Variants in PCLO observed in about 807,000 individuals in gnomAD.
PCLO encodes protein piccolo.
Under a neutral mutation model 427.5 loss-of-function variants are expected in PCLO, and 82 were observed. The observed-to-expected ratio is 0.19, with a 90% CI of 0.16 to 0.23. The LOEUF (loss-of-function observed/expected upper bound fraction) is 0.23. PCLO is among the 10% of genes least tolerant of loss of function. The probability of loss-of-function intolerance (pLI) is 1.00; values close to 1 mark genes in which losing one functional copy is unlikely to be tolerated. For missense variants in PCLO, 6,239 were observed against 6,115.9 expected (o/e 1.02, Z -0.67); for synonymous variants, 2,357 against 2,155.4 (o/e 1.09, Z -2.59).
At chr7:82,863,050 C>T (rs1188742172) in intron 10 of PCLO, among the ~76,000 whole-genome samples, 1 of 151,858 alleles carries the variant, frequency 6.6e-6, no homozygotes, top group Non-Finnish European at 1.5e-5. Flanking sequence ...GGCATGGATA[C>T]CCTATTCTCC....
Position 82,949,641 on chromosome 7 carries a change from A to G in PCLO, c.10947T>C (p.Asp3649=). The part of the protein sequence containing the change: ...AFVPYEKPLP[D]DISPQKVLHP... ...GCAGTACTTTCTGTGGACTTATATC[A>G]TCAGGGAGGGGTTTTTCATAAGGTA... Residue 3649 remains aspartate, a synonymous_variant, in exon 6 of 25, where the codon GAT becomes GAC. Coordinates refer to ENST00000333891, the MANE Select transcript of PCLO (RefSeq NM_033026.6). 2 of 1,613,830 alleles carry G rather than the reference A, an allele frequency of 1.2e-6. No individual in the cohort carries two copies. The highest frequency in any genetic ancestry group is 1.3e-5 in the African/African-American group (1 of 74,988).
intron 3 of PCLO, among the ~76,000 whole-genome samples, chr7:83,014,839 C>T (rs1788167975): frequency 6.6e-6 from 1 of 152,048 alleles, no homozygotes; most frequent in Admixed American, 6.6e-5. Flanking sequence ...CAGAGCTTCC[C>T]AAGAACAAGG....
chr7:82,770,549 T>TA lies in PCLO; in HGVS notation c.15008-9057dup, dbSNP rs148953822. Among the ~76,000 whole-genome samples, 1,425 of 147,322 alleles carry TA rather than the reference T, an allele frequency of 9.7e-3. 25 individuals carry two copies. Among genetic ancestry groups the TA allele is most frequent in the African/African-American group, 0.032 (1,309 of 40,392 alleles). On this transcript the variant is annotated intron_variant, in intron 22 of 24. Transcript: ENST00000333891. Reference sequence around the variant, plus strand: ...TTCAGTAGATTTTAATAGAAATTTCTAAAAAAAAAAGGACATTTTTCACTT... The same window carrying TA: ...TTCAGTAGATTTTAATAGAAATTTCTAAAAAAAAAAAGGACATTTTTCACTT...
chr7:83,084,207 T>C (rs35231879), intron 3 of PCLO, among the ~76,000 whole-genome samples: 14,221 of 152,142 alleles, frequency 0.093, 897 homozygotes, highest in Non-Finnish European at 0.13. Context: ...TAAGCTCTGC[T>C]TCATATATAT....
chr7:82,807,281 G>C (rs1346620391), intron 20 of PCLO, among the ~76,000 whole-genome samples: 1 of 152,082 alleles, frequency 6.6e-6, no homozygotes, highest in Non-Finnish European at 1.5e-5. Flanking sequence ...TCTAAATCTA[G>C]ATGTGTTCAA....
chr7:82,803,085 C>A (rs1330830722), intron 21 of PCLO, among the ~76,000 whole-genome samples: 1 of 151,736 alleles, frequency 6.6e-6, no homozygotes, highest in East Asian at 1.9e-4. Flanking sequence ...ATTTAAGTAA[C>A]ACACAAAATT....
At chr7:82,841,146 T>C (rs1321138737) in intron 14 of PCLO, among the ~76,000 whole-genome samples, 1 of 151,930 alleles carries the variant, frequency 6.6e-6, no homozygotes, top group East Asian at 1.9e-4. Flanking sequence ...AAGAGGAAAC[T>C]TCAAATTTCC....
chr7:82,874,420 G>A (rs1793319386), intron 10 of PCLO, among the ~76,000 whole-genome samples: 1 of 152,090 alleles, frequency 6.6e-6, no homozygotes, highest in Admixed American at 6.6e-5. Flanking sequence ...ACTGTGACGG[G>A]CCTGAATCTG....
chr7:83,069,852 T>C (rs1285774201), intron 3 of PCLO, among the ~76,000 whole-genome samples: 1 of 114,522 alleles, frequency 8.7e-6, no homozygotes, highest in East Asian at 3.0e-4. Context: ...AAAACAATAA[T>C]GGAAGTGAAA....
intron 3 of PCLO, among the ~76,000 whole-genome samples, chr7:83,023,423 T>A (rs919252555): frequency 1.3e-5 from 2 of 152,218 alleles, no homozygotes; most frequent in Non-Finnish European, 2.9e-5. Flanking sequence ...TCTAACAGCT[T>A]GCCCAGTTTA....
At chr7:82,787,434 A>G (rs1473601902) in intron 22 of PCLO, among the ~76,000 whole-genome samples, 1 of 152,142 alleles carries the variant, frequency 6.6e-6, no homozygotes, top group African/African-American at 2.4e-5. Flanking sequence ...AAATAACTCA[A>G]TAATTTCATC....
intron 3 of PCLO, among the ~76,000 whole-genome samples, chr7:83,070,969 A>G (rs1002017551): frequency 2.6e-5 from 4 of 152,036 alleles, no homozygotes; most frequent in African/African-American, 7.2e-5. Context: ...TGTAAGTATC[A>G]TTATTGCTGA....
intron 3 of PCLO, among the ~76,000 whole-genome samples, chr7:83,053,617 T>C (rs1033756508): frequency 1.3e-5 from 2 of 151,822 alleles, no homozygotes; most frequent in Middle Eastern, 3.2e-3. Context: ...AGTAAAACAT[T>C]TAGTTAGATC....
At chr7:83,064,084 G>T (rs1049359856) in intron 3 of PCLO, among the ~76,000 whole-genome samples, 1 of 151,982 alleles carries the variant, frequency 6.6e-6, no homozygotes, top group African/African-American at 2.4e-5. Context: ...ATATAAAAGT[G>T]AATAAATGTG....
intron 17 of PCLO, among the ~76,000 whole-genome samples, chr7:82,827,500 A>AT (rs958022717): frequency 1.8e-4 from 28 of 151,796 alleles, no homozygotes; most frequent in South Asian, 4.2e-4. Flanking sequence ...ACTGAATCTT[A>AT]TTTTTTTTGT....
chr7:83,142,043 C>A (rs1323525726), intron 2 of PCLO, among the ~76,000 whole-genome samples: 1 of 151,666 alleles, frequency 6.6e-6, no homozygotes, highest in East Asian at 1.9e-4. Context: ...CCCCCTCCCC[C>A]CGACACACAC....
chr7:82,969,515 A>T (rs1392795814), intron 3 of PCLO, among the ~76,000 whole-genome samples: 1 of 152,104 alleles, frequency 6.6e-6, no homozygotes, highest in Admixed American at 6.5e-5. Flanking sequence ...TGCTATACCC[A>T]GTCTCTTGGG....
At chr7:82,782,552 G>A (rs1049967649) in intron 22 of PCLO, among the ~76,000 whole-genome samples, 1 of 152,128 alleles carries the variant, frequency 6.6e-6, no homozygotes, top group African/African-American at 2.4e-5. Context: ...AGAAGAAGTC[G>A]AAAGAGAAGA....
intron 22 of PCLO, among the ~76,000 whole-genome samples, chr7:82,771,233 T>A (rs535242331): frequency 2.6e-5 from 4 of 152,032 alleles, no homozygotes; most frequent in Admixed American, 2.6e-4. Context: ...TCCCTTTTTT[T>A]CTTATGTATC....
Sources: gnomAD v4.1 joint callset for allele counts (sites outside exome capture counted in the v4.1 genomes callset) on GRCh38, gnomAD v4.1.1 for gene constraint, MANE v1.5 for transcripts, NCBI Gene and HGNC (gene_info 2026-07-23, HGNC 2026-07-21) for gene names.